SMO: variants seen among roughly 807,000 people sequenced by gnomAD.
SMO encodes smoothened, frizzled class receptor, also known as protein smoothened.
SMO carries 40 observed loss-of-function variants against 81.6 expected under a neutral mutation model. The observed-to-expected ratio is 0.49, with a 90% CI of 0.38 to 0.64. The LOEUF is 0.64. Ranked by LOEUF, SMO falls within the 30% of genes least tolerant of loss-of-function variation. SMO has a pLI of 0.00. For missense variants in SMO, 916 were observed against 1,061.1 expected (o/e 0.86, Z 1.90); for synonymous variants, 434 against 432.1 (o/e 1.00, Z -0.05).
chr7:129,205,623 C>G lies in SMO; in HGVS notation c.761C>G (p.Ala254Gly), dbSNP rs2150648977. 3 of 1,613,680 alleles carry G rather than the reference C, an allele frequency of 1.9e-6. No homozygotes were observed. Among genetic ancestry groups the G allele is most frequent in the Non-Finnish European group, 2.5e-6 (3 of 1,179,608 alleles). The change falls in exon 4 of 12, where the codon GCT (alanine) becomes GGT (glycine). Residue 254 changes from alanine to glycine, a missense_variant. Around this residue, in one of 4 missense-constraint regions of SMO, gnomAD observed 436 missense variants for 570.9 expected, o/e 0.76. Coordinates refer to ENST00000249373, the MANE Select transcript of SMO (RefSeq NM_005631.5). ...TCTCTCTTCTAGGCCACATTCGTGG[C>G]TGACTGGCGGAACTCGAATCGCTAC... ...CTLFTLATFV[A>G]DWRNSNRYPA... is the part of the protein sequence containing the mutation.
rs2150654627 is a variant in SMO at position 129,211,003 on chromosome 7, A to T, written c.1691A>T (p.Lys564Met). 1 of 1,613,796 alleles carries T rather than the reference A, an allele frequency of 6.2e-7. No homozygotes were observed. Among genetic ancestry groups the T allele is most frequent in the Non-Finnish European group, 8.5e-7 (1 of 1,179,826 alleles). ...GQSDDEPKRI[K>M]KSKMIAKAFS... ...AGTGACGATGAGCCAAAGCGGATCA[A>T]GAAGAGCAAGATGATTGCCAAGGCC... Residue 564 changes from lysine (K) to methionine (M), a missense_variant, in exon 10 of 12, where the codon AAG becomes ATG. This residue lies in a region of SMO where 324 missense variants were observed against 312.9 expected (regional missense o/e 1.04). Transcript: ENST00000249373. The surrounding 1 kb of genome is among the most constrained non-coding windows in gnomAD (Gnocchi z 4.6).
chr7:129,210,053 G>C lies in SMO; in HGVS notation c.1467-310G>C. ...CTAGGGTGGGTCCCAGGCATCAGTA[G>C]CTATTAAAAGCTCCCCAGTTGATTC... On this transcript the variant is annotated intron_variant, in intron 8 of 11. Transcript: ENST00000249373. This position sits in a 1 kb window ranked among gnomAD's most constrained non-coding sequence, Gnocchi z 4.7. 1 of 252,312 alleles carries C rather than the reference G, an allele frequency of 4.0e-6. No homozygotes were observed. The highest frequency in any genetic ancestry group is 7.8e-6 in the Non-Finnish European group (1 of 127,898). The allele number at this position is 252,312 out of a possible 1,614,324, so 15.6% of individuals were successfully genotyped here.
rs970650050 is a variant in SMO at position 129,212,162 on chromosome 7, A to G, written c.2075A>G (p.His692Arg). 5 of 1,554,840 alleles carry G rather than the reference A, an allele frequency of 3.2e-6. No homozygotes were observed. Among genetic ancestry groups the G allele is most frequent in the Non-Finnish European group, 4.4e-6 (5 of 1,149,318 alleles). Reference protein sequence around the residue: ...VCPLAPPPELHPPAPAPSTIP... With the variant: ...VCPLAPPPELRPPAPAPSTIP... Reference sequence around the variant, plus strand: ...CCGCTGGCGCCGCCCCCTGAGCTTCACCCCCCTGCCCCTGCCCCCAGTACC... The same window carrying G: ...CCGCTGGCGCCGCCCCCTGAGCTTCGCCCCCCTGCCCCTGCCCCCAGTACC... The change falls in exon 12 of 12, where the codon CAC (histidine) becomes CGC (arginine). Residue 692 changes from histidine to arginine, a missense_variant. His to Arg is a conservative substitution (Grantham distance 29). Coordinates refer to ENST00000249373, the MANE Select transcript of SMO (RefSeq NM_005631.5). The surrounding 1 kb of genome is among the most constrained non-coding windows in gnomAD (Gnocchi z 5.0).
chr7:129,206,390 G>C lies in SMO; in HGVS notation c.1140+21G>C, dbSNP rs376448169. ...CGCAGGTATAGTGACTGGTAGGAAC[G>C]GGAGACCTGGATGGGGTGAGTTTGA... On this transcript the variant is annotated intron_variant, in intron 5 of 11. Transcript: ENST00000249373. This position sits in a 1 kb window ranked among gnomAD's most constrained non-coding sequence, Gnocchi z 4.4. 6.2e-7 allele frequency: 1 copy of C among 1,614,034 alleles called. No individual in the cohort carries two copies. Among genetic ancestry groups the C allele is most frequent in the South Asian group, 1.1e-5 (1 of 91,076 alleles).
At chr7:129,192,433 T>C (rs1195706074) in intron 1 of SMO, among the ~76,000 whole-genome samples, 1 of 152,198 alleles carries the variant, frequency 6.6e-6, no homozygotes, top group East Asian at 1.9e-4. Flanking sequence ...AAGGAGCCAT[T>C]GAAAGATTTT....
At chr7:129,205,162 T>C (rs1240497241) in intron 2 of SMO, 41 bp from the exon 3 acceptor site, 1 of 1,570,264 alleles carries the variant, frequency 6.4e-7, no homozygotes, top group Non-Finnish European at 8.8e-7. Flanking sequence ...GGCTCGTCCC[T>C]GAGCTGCCTT....
At position 129,212,098 on chromosome 7, in the gene SMO, C is replaced by T. The variant is rs768907770; in HGVS notation, c.2011C>T (p.Arg671Trp). 2.2e-5 allele frequency: 34 copies of T among 1,578,756 alleles called. No individual in the cohort carries two copies. In the Admixed American group the frequency reaches 2.7e-4, roughly 12 times the overall value. ...CCCAGAGCTGCAGAAGCGCCTGGGC[C>T]GGAAGAAGAAGAGGAGGAAGAGGAA... ...ISPELQKRLGRKKKRRKRKKE... is the reference protein window; with the variant it reads ...ISPELQKRLGWKKKRRKRKKE... The change falls in exon 12 of 12, where the codon CGG becomes TGG. Residue 671 changes from arginine to tryptophan, a missense_variant. Coordinates refer to ENST00000249373, the MANE Select transcript of SMO (RefSeq NM_005631.5). The surrounding 1 kb of genome is among the most constrained non-coding windows in gnomAD (Gnocchi z 5.0).
intron 2 of SMO, 56 bp from the exon 3 acceptor site, chr7:129,205,147 C>A (rs1306148372): frequency 6.7e-7 from 1 of 1,499,182 alleles, no homozygotes; most frequent in Non-Finnish European, 9.3e-7. Context: ...TTTCCCTAAA[C>A]AAGAGGCTCG....
Position 129,189,406 on chromosome 7 carries a change from C to G in SMO, c.255C>G (p.Tyr85Ter), listed in dbSNP as rs958097347. Residue 85 changes from tyrosine to a stop codon, truncating the protein, a stop_gained, in exon 1 of 12, where the codon TAC becomes TAG. Transcript: ENST00000249373. LOFTEE classifies it high-confidence loss of function. The surrounding 1 kb of genome is among the most constrained non-coding windows in gnomAD (Gnocchi z 4.7). Reference sequence around the variant, plus strand: ...TGTGCCTGGGCTCGGTGCTGCCCTACGGGGCCACCTCCACACTGCTGGCCG... The same window carrying G: ...TGTGCCTGGGCTCGGTGCTGCCCTAGGGGGCCACCTCCACACTGCTGGCCG... ...YNVCLGSVLPYGATSTLLAGD... is the reference protein window; with the variant it reads ...YNVCLGSVLP 2.0e-6 allele frequency: 3 copies of G among 1,538,082 alleles called. No individual in the cohort carries two copies. The highest frequency in any genetic ancestry group is 2.6e-6 in the Non-Finnish European group (3 of 1,146,700).
rs1438891077 is a variant in SMO at position 129,211,106 on chromosome 7, G to T, written c.1794G>T (p.Gly598=). ...SFSMHTVSHD[G]PVAGLAFDLN... ...GCATGCACACTGTGTCCCACGACGG[G>T]CCCGTGGGTGAGCCTCACCCCTCCT... Residue 598 remains glycine, a synonymous_variant, in exon 10 of 12, where the codon GGG becomes GGT. Coordinates refer to ENST00000249373, the MANE Select transcript of SMO (RefSeq NM_005631.5). The surrounding 1 kb of genome is among the most constrained non-coding windows in gnomAD (Gnocchi z 4.6). 6.2e-7 allele frequency: 1 copy of T among 1,605,664 alleles called. No homozygotes were observed. The highest frequency in any genetic ancestry group is 8.5e-7 in the Non-Finnish European group (1 of 1,175,492).
At chr7:129,205,551 G>T (rs922019132) in intron 3 of SMO, 59 bp from the exon 4 acceptor site, 1 of 1,552,746 alleles carries the variant, frequency 6.4e-7, no homozygotes, top group South Asian at 1.1e-5. Context: ...CTCAGTTAAG[G>T]GTGTCTGTGT....
At position 129,210,598 on chromosome 7, in the gene SMO, T is replaced by C; in HGVS notation, c.1652+50T>C. 6.8e-7 allele frequency: 1 copy of C among 1,461,470 alleles called. No homozygotes were observed. The highest frequency in any genetic ancestry group is 9.6e-7 in the Non-Finnish European group (1 of 1,046,012). The allele number at this position is 1,461,470 out of a possible 1,614,324, so 90.5% of individuals were successfully genotyped here. A position where few individuals can be genotyped will look rare whatever the true frequency, so the allele number is the denominator to read the frequency against. On this transcript the variant is annotated intron_variant, in intron 9 of 11. Transcript: ENST00000249373. The surrounding 1 kb of genome is among the most constrained non-coding windows in gnomAD (Gnocchi z 4.7). ...TGCCCTGCCCGCCTCACCCTCAGCC[T>C]TGGGACCCCATCTTTAGGTTTTGTC...
Position 129,205,179 on chromosome 7 carries a change from G to A in SMO, c.538-24G>A, listed in dbSNP as rs375639276. On this transcript the variant is annotated intron_variant, in intron 2 of 11. Transcript: ENST00000249373. The stretch of plus-strand genomic sequence containing the variant: ...CTCGTCCCTGAGCTGCCTTGACACC[G>A]TCTTTTCCCATCCCTGGTGCCAGAA... 106 of 1,609,084 alleles carry A rather than the reference G, an allele frequency of 6.6e-5. 1 individual carries two copies. Among genetic ancestry groups the A allele is most frequent in the South Asian group, 2.3e-4 (21 of 90,964 alleles).
Position 129,210,905 on chromosome 7 carries a change from C to G in SMO, c.1653-60C>G, listed in dbSNP as rs570127080. The stretch of plus-strand genomic sequence containing the variant: ...AAAGAATGGCATCGCTGGCCCTTCC[C>G]AAGATTTGATGGGAAGTGGCAGCTT... On this transcript the variant is annotated intron_variant, in intron 9 of 11. Transcript: ENST00000249373. This position sits in a 1 kb window ranked among gnomAD's most constrained non-coding sequence, Gnocchi z 4.7. 4 of 1,532,956 alleles carry G rather than the reference C, an allele frequency of 2.6e-6. No individual in the cohort carries two copies. The highest frequency in any genetic ancestry group is 3.5e-6 in the Non-Finnish European group (4 of 1,136,906). 95.0% of individuals were successfully genotyped at this position (1,532,956 alleles called of 1,614,324 possible).
chr7:129,199,365 A>G (rs2150644406), intron 1 of SMO, among the ~76,000 whole-genome samples: 1 of 152,138 alleles, frequency 6.6e-6, no homozygotes, highest in African/African-American at 2.4e-5. Flanking sequence ...GTTTTTTAGT[A>G]GAGACGGGTT....
At chr7:129,204,171 A>G (rs1464433836) in intron 2 of SMO, among the ~76,000 whole-genome samples, 1 of 152,090 alleles carries the variant, frequency 6.6e-6, no homozygotes, top group Non-Finnish European at 1.5e-5. Flanking sequence ...TGTCTCTACT[A>G]AAAATACAAA....
In SMO at chr7:129,195,029, C is replaced by T. The variant is rs146675389; in HGVS notation, c.331+5547C>T. Among the ~76,000 whole-genome samples, 391 of 152,264 alleles carry T rather than the reference C, an allele frequency of 2.6e-3. 3 individuals are homozygous for T. Among genetic ancestry groups the T allele is most frequent in the African/African-American group, 9.1e-3 (376 of 41,534 alleles). On this transcript the variant is annotated intron_variant, in intron 1 of 11. Transcript: ENST00000249373. ...AACTCCTGACTTCAGGTGAGCCACC[C>T]GCCTCATACTGCAGCTTATTTCTTC...
chr7:129,191,694 A>G (rs1350891896), intron 1 of SMO, among the ~76,000 whole-genome samples: 1 of 152,164 alleles, frequency 6.6e-6, no homozygotes, highest in Non-Finnish European at 1.5e-5. Flanking sequence ...AGACAGGGTC[A>G]GTGTTACCTG....
In SMO at chr7:129,209,379, G is replaced by T. The variant is rs1406380496; in HGVS notation, c.1448G>T (p.Ser483Ile). The T allele has an allele frequency of 1.2e-6, 2 of 1,612,466 alleles. No individual in the cohort carries two copies. Among genetic ancestry groups the T allele is most frequent in the Non-Finnish European group, 1.7e-6 (2 of 1,178,444 alleles). Residue 483 changes from serine to isoleucine, a missense_variant, in exon 8 of 12, where the codon AGC (serine) becomes ATC (isoleucine). This residue lies in a region of SMO where 436 missense variants were observed against 570.9 expected (regional missense o/e 0.76). Coordinates refer to ENST00000249373, the MANE Select transcript of SMO (RefSeq NM_005631.5). ...DFFNQAEWER[S>I]FRDYVLCQAN... is the part of the protein sequence containing the mutation. ...TTCAACCAGGCTGAGTGGGAGCGCAGCTTCCGGGACTATGTGCTGTGAGTG... is the reference window on the plus strand; with the variant it reads ...TTCAACCAGGCTGAGTGGGAGCGCATCTTCCGGGACTATGTGCTGTGAGTG...
Sources: gnomAD v4.1 joint callset for allele counts (sites outside exome capture counted in the v4.1 genomes callset) on GRCh38, gnomAD v4.1.1 for gene constraint, gnomAD v4.1.1 regional missense constraint, Gnocchi (gnomAD v3.1) non-coding constraint, MANE v1.5 for transcripts, NCBI Gene and HGNC (gene_info 2026-07-23, HGNC 2026-07-21) for gene names.